The following ROBO2 variants were observed in gnomAD, a reference collection of about 807,000 sequenced individuals.
The protein encoded by ROBO2 is roundabout homolog 2.
Under a neutral mutation model 160.8 loss-of-function variants are expected in ROBO2, and 53 were observed. The ratio of observed to expected loss-of-function variants is 0.33; its 90% CI spans 0.26 to 0.41. The LOEUF (loss-of-function observed/expected upper bound fraction) is 0.41, where lower values mean the gene tolerates loss of function less well. ROBO2 is among the 10% of genes least tolerant of loss of function. The probability of loss-of-function intolerance (pLI) is 1.00; values close to 1 mark genes in which losing one functional copy is unlikely to be tolerated. For missense variants in ROBO2, 1,577 were observed against 1,722.4 expected, an observed-to-expected ratio of 0.92 and a Z score of 1.49; for synonymous variants, 664 against 611.7, an observed-to-expected ratio of 1.09 and a Z score of -1.26.
intron 2 of ROBO2, among the ~76,000 whole-genome samples, chr3:76,277,282 A>G (rs1385443076): frequency 6.6e-6 from 1 of 152,030 alleles, no homozygotes; most frequent in African/African-American, 2.4e-5. Flanking sequence ...ATCAGAATAC[A>G]TGTATCAGCT....
At chr3:77,431,939 C>A (rs1247827325) in intron 2 of ROBO2, among the ~76,000 whole-genome samples, 1 of 152,154 alleles carries the variant, frequency 6.6e-6, no homozygotes, top group Non-Finnish European at 1.5e-5. Flanking sequence ...TCATTGTTTA[C>A]AGGGACATCC....
At chr3:76,275,826 A>C (rs1031121557) in intron 2 of ROBO2, among the ~76,000 whole-genome samples, 1 of 152,138 alleles carries the variant, frequency 6.6e-6, no homozygotes, top group Non-Finnish European at 1.5e-5. Flanking sequence ...TCCCACCTGT[A>C]AATGACTTCC....
At chr3:77,557,276 G>A (rs1437394779) in intron 8 of ROBO2, among the ~76,000 whole-genome samples, 1 of 151,866 alleles carries the variant, frequency 6.6e-6, no homozygotes, top group Non-Finnish European at 1.5e-5. Context: ...TTTGTCATAT[G>A]ATAAATATAA....
chr3:77,176,354 T>C (rs1007262340), intron 2 of ROBO2, among the ~76,000 whole-genome samples: 39 of 152,052 alleles, frequency 2.6e-4, no homozygotes, highest in African/African-American at 9.4e-4. Flanking sequence ...GGACGGATTT[T>C]TCCCTTTCGG....
chr3:77,387,243 C>T (rs145635188), intron 2 of ROBO2, among the ~76,000 whole-genome samples: 6 of 150,862 alleles, frequency 4.0e-5, no homozygotes, highest in Non-Finnish European at 8.8e-5. Context: ...GTAGCTCCTG[C>T]TGTAATCCTC....
intron 1 of ROBO2, among the ~76,000 whole-genome samples, chr3:75,916,614 G>A (rs1031624074): frequency 1.4e-4 from 22 of 151,948 alleles, no homozygotes; most frequent in Admixed American, 1.2e-3. Flanking sequence ...GCCTACACAC[G>A]TATTCATACT....
intron 19 of ROBO2, 91 bp downstream of exon 20, chr3:77,596,841 A>T: frequency 6.9e-7 from 1 of 1,443,652 alleles, no homozygotes; most frequent in East Asian, 2.3e-5. Context: ...GAAACATATC[A>T]GAGAGTATTT....
chr3:77,346,809 G>A (rs940786950), intron 2 of ROBO2, among the ~76,000 whole-genome samples: 3 of 152,056 alleles, frequency 2.0e-5, no homozygotes, highest in African/African-American at 7.2e-5. Context: ...CCGGCAAAAC[G>A]ATCAAGTCCT....
At chr3:76,216,090 C>A (rs1002765567) in intron 2 of ROBO2, among the ~76,000 whole-genome samples, 1 of 152,160 alleles carries the variant, frequency 6.6e-6, no homozygotes, top group African/African-American at 2.4e-5. Context: ...AAATAAAATA[C>A]TTTACAGACA....
intron 2 of ROBO2, among the ~76,000 whole-genome samples, chr3:76,726,265 C>T (rs977934407): frequency 5.9e-5 from 9 of 152,104 alleles, no homozygotes; most frequent in Non-Finnish European, 1.3e-4. Context: ...ATGTGCTGAT[C>T]TCTGTCTACC....
intron 2 of ROBO2, among the ~76,000 whole-genome samples, chr3:76,360,650 G>C (rs183599760): frequency 4.6e-5 from 7 of 152,098 alleles, no homozygotes; most frequent in Admixed American, 4.6e-4. Flanking sequence ...CAATTAAAAC[G>C]CTCACCTTGT....
intron 2 of ROBO2, among the ~76,000 whole-genome samples, chr3:75,946,048 G>A (rs1948278001): frequency 6.6e-6 from 1 of 152,090 alleles, no homozygotes; most frequent in African/African-American, 2.4e-5. Context: ...TTTCCTGGCG[G>A]AATTGTCTTC....
chr3:77,487,890 A>G (rs552835629), intron 4 of ROBO2, among the ~76,000 whole-genome samples: 1 of 152,326 alleles, frequency 6.6e-6, no homozygotes, highest in South Asian at 2.1e-4. Context: ...GTTACCACAC[A>G]GTGATTGACA....
At chr3:76,220,298 G>C (rs755825752) in intron 2 of ROBO2, among the ~76,000 whole-genome samples, 1 of 151,590 alleles carries the variant, frequency 6.6e-6, no homozygotes. Flanking sequence ...TGCACATTGT[G>C]CATATGTACC....
At chr3:77,523,215 A>G (rs896548292) in intron 6 of ROBO2, among the ~76,000 whole-genome samples, 1 of 151,408 alleles carries the variant, frequency 6.6e-6, no homozygotes, top group African/African-American at 2.4e-5. Flanking sequence ...CATTGCTTTC[A>G]ACTACTTACT....
intron 2 of ROBO2, among the ~76,000 whole-genome samples, chr3:76,611,414 C>T (rs1203997207): frequency 1.3e-5 from 2 of 152,040 alleles, no homozygotes; most frequent in Non-Finnish European, 2.9e-5. Flanking sequence ...TTTTCTTTGC[C>T]GGAAGGCTTT....
intron 2 of ROBO2, among the ~76,000 whole-genome samples, chr3:77,264,465 A>T (rs78831933): frequency 0.024 from 3,591 of 152,282 alleles, 49 homozygotes; most frequent in Middle Eastern, 0.044. Flanking sequence ...TTGGAGAAAG[A>T]TAGTAATTTT....
chr3:76,263,316 G>C (rs1025252093), intron 2 of ROBO2, among the ~76,000 whole-genome samples: 1 of 151,960 alleles, frequency 6.6e-6, no homozygotes, highest in African/African-American at 2.4e-5. Flanking sequence ...CTGCAGCTTG[G>C]AACTCCTGGG....
At chr3:77,573,692 AT>A in intron 13 of ROBO2, among the ~76,000 whole-genome samples, 1 of 152,066 alleles carries the variant, frequency 6.6e-6, no homozygotes, top group Admixed American at 6.6e-5. Flanking sequence ...ATGTCCTCAC[AT>A]TTGTTTTCCT....
Sources: gnomAD v4.1 joint callset for allele counts (sites outside exome capture counted in the v4.1 genomes callset) on GRCh38, gnomAD v4.1.1 for gene constraint, MANE v1.5 for transcripts, NCBI Gene and HGNC (gene_info 2026-07-23, HGNC 2026-07-21) for gene names.